PAQR8: variants seen among roughly 807,000 people sequenced by gnomAD.
PAQR8 encodes the protein membrane progestin receptor beta.
PAQR8 carries 17 observed loss-of-function variants against 25.2 expected under a neutral mutation model. The observed-to-expected ratio is 0.67, with a 90% CI of 0.46 to 1.01. PAQR8 has a LOEUF of 1.01. PAQR8 is among the 50% of genes least tolerant of loss of function. The probability of loss-of-function intolerance (pLI) is 0.00; values close to 1 mark genes in which losing one functional copy is unlikely to be tolerated. For synonymous variants in PAQR8, 204 were observed against 190.6 expected, an observed-to-expected ratio of 1.07 and a Z score of -0.58; for missense variants, 392 against 448.4, an observed-to-expected ratio of 0.87 and a Z score of 1.14.
chr6:52,375,874 TC>T (rs772074613), intron 1 of PAQR8, among the ~76,000 whole-genome samples: 1 of 152,200 alleles, frequency 6.6e-6, no homozygotes, highest in Non-Finnish European at 1.5e-5. Context: ...GTTGCAACTC[TC>T]CCTTTGCAAC....
rs1457048732 is a variant in PAQR8 at position 52,404,133 on chromosome 6, G to A, written c.920G>A (p.Arg307Gln). ...GCCATCCTCCTGGACTACCAGGGGCGGCAGGAGATCTTCCTGCAGCGCCAT... is the reference window on the plus strand; with the variant it reads ...GCCATCCTCCTGGACTACCAGGGGCAGCAGGAGATCTTCCTGCAGCGCCAT... ...LEAILLDYQG[R>Q]QEIFLQRHGP... is the part of the protein sequence containing the mutation. The change falls in exon 2 of 2, where the codon CGG (arginine) becomes CAG (glutamine). Residue 307 changes from arginine to glutamine, a missense_variant. By Grantham distance (43) the Arg-to-Gln change is conservative (BLOSUM62 1). Coordinates refer to ENST00000442253, the MANE Select transcript of PAQR8 (RefSeq NM_133367.5). 6.2e-7 allele frequency: 1 copy of A among 1,614,206 alleles called. No individual in the cohort carries two copies. Among genetic ancestry groups the A allele is most frequent in the Non-Finnish European group, 8.5e-7 (1 of 1,180,028 alleles).
In PAQR8 at chr6:52,406,705, G is replaced by C. The variant is rs1353413133; in HGVS notation, c.*2427G>C. On this transcript the variant is annotated 3_prime_UTR_variant, in exon 2 of 2. Coordinates refer to ENST00000442253, the MANE Select transcript of PAQR8 (RefSeq NM_133367.5). ...AGCCTCCTAAGTACCTGGTACTACA[G>C]GCGCGTGCCACCACACCTGGCTAAT... 1 of 402,680 alleles carries C rather than the reference G, an allele frequency of 2.5e-6. No individual in the cohort carries two copies. The highest frequency in any genetic ancestry group is 4.5e-6 in the Non-Finnish European group (1 of 223,926). The allele number at this position is 402,680 out of a possible 1,614,324, so 24.9% of individuals were successfully genotyped here. A position where few individuals can be genotyped will look rare whatever the true frequency, so the allele number is the denominator to read the frequency against.
At chr6:52,391,396 T>C (rs1763707951) in intron 1 of PAQR8, among the ~76,000 whole-genome samples, 1 of 152,212 alleles carries the variant, frequency 6.6e-6, no homozygotes, top group Non-Finnish European at 1.5e-5. Flanking sequence ...AATACTCCAT[T>C]TTTGGATGTC....
rs375501739 is a variant in PAQR8, at chr6:52,383,420, G to A, written c.-52-19742G>A. On this transcript the variant is annotated intron_variant, in intron 1 of 1. Coordinates refer to ENST00000442253, the MANE Select transcript of PAQR8 (RefSeq NM_133367.5). ...CTCACGCCTGTAATCCCAGCACTTT[G>A]GGAGGCCGAGGCGGGCGGATCACGA... Among the ~76,000 whole-genome samples, 46 of 152,250 alleles carry A rather than the reference G, an allele frequency of 3.0e-4. 1 individual carries two copies. The highest frequency in any genetic ancestry group is 1.1e-3 in the African/African-American group (45 of 41,556).
chr6:52,362,955 T>C lies in PAQR8; in HGVS notation c.-53+706T>C, dbSNP rs1215543158. Among the ~76,000 whole-genome samples, 1 of 151,768 alleles carries C rather than the reference T, an allele frequency of 6.6e-6. No individual in the cohort carries two copies. On this transcript the variant is annotated intron_variant, in intron 1 of 1. Transcript: ENST00000442253. This position sits in a 1 kb window ranked among gnomAD's most constrained non-coding sequence, Gnocchi z 4.1. ...TGGCTAATGGGCGGATGCTGGGGCT[T>C]GGCTGGATGGGAACGCCGCGGTGGG...
intron 1 of PAQR8, among the ~76,000 whole-genome samples, chr6:52,378,160 C>T (rs564840357): frequency 1.8e-4 from 27 of 152,322 alleles, no homozygotes; most frequent in African/African-American, 6.0e-4. Flanking sequence ...ATTTAAGTCA[C>T]ATGCAATGAC....
At chr6:52,378,786 G>A (rs1763515867) in intron 1 of PAQR8, among the ~76,000 whole-genome samples, 1 of 142,040 alleles carries the variant, frequency 7.0e-6, no homozygotes, top group South Asian at 2.3e-4. Flanking sequence ...GCAAGATTCT[G>A]TCTAAAAAAA....
chr6:52,375,052 T>C (rs1763469239), intron 1 of PAQR8, among the ~76,000 whole-genome samples: 1 of 152,094 alleles, frequency 6.6e-6, no homozygotes, highest in African/African-American at 2.4e-5. Context: ...TTTTTATTAT[T>C]GATATGATCA....
chr6:52,382,535 A>G (rs1374613320), intron 1 of PAQR8, among the ~76,000 whole-genome samples: 1 of 152,234 alleles, frequency 6.6e-6, no homozygotes, highest in South Asian at 2.1e-4. Context: ...GAGAATAGCA[A>G]CTAATGTGGA....
chr6:52,381,352 A>G (rs1763557859), intron 1 of PAQR8, among the ~76,000 whole-genome samples: 1 of 152,258 alleles, frequency 6.6e-6, no homozygotes, highest in Admixed American at 6.5e-5. Flanking sequence ...TCGGGCCTGT[A>G]GGCCCTATAC....
At chr6:52,364,056 T>G (rs527237537) in intron 1 of PAQR8, among the ~76,000 whole-genome samples, 1 of 148,526 alleles carries the variant, frequency 6.7e-6, no homozygotes, top group East Asian at 2.0e-4. Flanking sequence ...GGAATCTTAT[T>G]AAGTGGATAT....
At chr6:52,388,154 T>A (rs1190685668) in intron 1 of PAQR8, among the ~76,000 whole-genome samples, 1 of 152,096 alleles carries the variant, frequency 6.6e-6, no homozygotes, top group Non-Finnish European at 1.5e-5. Context: ...GGTGGGCGGG[T>A]CACTTGAGGT....
At chr6:52,368,705 A>G (rs954976226) in intron 1 of PAQR8, among the ~76,000 whole-genome samples, 10 of 152,188 alleles carry the variant, frequency 6.6e-5, no homozygotes, top group Non-Finnish European at 1.3e-4. Context: ...GTAGTTTTAT[A>G]TATCTTCTCA....
intron 1 of PAQR8, among the ~76,000 whole-genome samples, chr6:52,371,365 A>G (rs749370716): frequency 1.3e-5 from 2 of 152,190 alleles, no homozygotes; most frequent in Admixed American, 1.3e-4. Flanking sequence ...AGTAATAACA[A>G]TGGTCTTGCT....
intron 1 of PAQR8, among the ~76,000 whole-genome samples, chr6:52,393,052 T>C (rs116113753): frequency 0.013 from 1,918 of 152,286 alleles, 15 homozygotes; most frequent in Non-Finnish European, 0.02. Context: ...GGTTTAGTCA[T>C]AGAGGGCATT....
In PAQR8 at chr6:52,403,853, G is replaced by A. The variant is rs769768354; in HGVS notation, c.640G>A (p.Val214Met). 6.2e-7 allele frequency: 1 copy of A among 1,614,236 alleles called. No individual in the cohort carries two copies. Among genetic ancestry groups the A allele is most frequent in the Admixed American group, 1.7e-5 (1 of 60,028 alleles). Residue 214 changes from valine to methionine, a missense_variant, in exon 2 of 2, where the codon GTG becomes ATG. By Grantham distance (21) the Val-to-Met change is conservative. Coordinates refer to ENST00000442253, the MANE Select transcript of PAQR8 (RefSeq NM_133367.5). Reference protein sequence around the residue: ...PYPVMRKICQVVPAGLAFILD... With the variant: ...PYPVMRKICQMVPAGLAFILD... ...TCCAGTCATGAGGAAGATCTGTCAA[G>A]TGGTGCCAGCAGGTCTGGCTTTTAT...
intron 1 of PAQR8, among the ~76,000 whole-genome samples, chr6:52,376,101 AACTT>A (rs1475624351): frequency 6.6e-6 from 1 of 152,260 alleles, no homozygotes; most frequent in African/African-American, 2.4e-5. Flanking sequence ...GGTTATAACT[AACTT>A]GCTGTCACAT....
chr6:52,382,159 G>C (rs1763568907), intron 1 of PAQR8, among the ~76,000 whole-genome samples: 1 of 152,178 alleles, frequency 6.6e-6, no homozygotes, highest in Non-Finnish European at 1.5e-5. Context: ...GGTTGTATAT[G>C]GTAGCATCAT....
rs567336374 is a variant in PAQR8 at position 52,373,941 on chromosome 6, G to C, written c.-53+11692G>C. ...AGTGGGGCATGGTGACTAGATCATG[G>C]GGGCAGTTTCTCATGGCTTCACATC... On this transcript the variant is annotated intron_variant, in intron 1 of 1. Coordinates refer to ENST00000442253, the MANE Select transcript of PAQR8 (RefSeq NM_133367.5). Among the ~76,000 whole-genome samples the C allele has an allele frequency of 5.9e-5, 9 of 152,098 alleles. No individual in the cohort carries two copies. The South Asian group carries it at 1.9e-3, about 31-fold the overall frequency.
Sources: gnomAD v4.1 joint callset for allele counts (sites outside exome capture counted in the v4.1 genomes callset) on GRCh38, gnomAD v4.1.1 for gene constraint, Gnocchi (gnomAD v3.1) non-coding constraint, MANE v1.5 for transcripts, NCBI Gene and HGNC (gene_info 2026-07-23, HGNC 2026-07-21) for gene names.